CADM2: variants seen among roughly 807,000 people sequenced by gnomAD.
CADM2 encodes the protein immunoglobulin superfamily member 4D.
A neutral mutation model predicts 49.8 loss-of-function variants in CADM2; 12 were observed. That is an observed-to-expected ratio of 0.24 (90% CI 0.15 to 0.39). The LOEUF is 0.39. CADM2 is among the 10% of genes least tolerant of loss of function. CADM2 has a pLI of 1.00. For missense variants in CADM2, 378 were observed against 492.3 expected (o/e 0.77, Z 2.20); for synonymous variants, 214 against 175.4 (o/e 1.22, Z -1.74).
rs567625954 is a variant in CADM2, at chr3:85,671,107, C to T, written c.62-55415C>T. On this transcript the variant is annotated intron_variant, in intron 1 of 9. Coordinates refer to ENST00000383699, the MANE Select transcript of CADM2 (RefSeq NM_001167675.2). ...AAAGTGCTTTGTTGGACAAAAGAAC[C>T]GCCAGTTCCTGGAGGTAAATAATGT... Among the ~76,000 whole-genome samples, 19 of 152,216 alleles carry T rather than the reference C, an allele frequency of 1.2e-4. 1 individual carries two copies. Among genetic ancestry groups the T allele is most frequent in the Middle Eastern group, 6.8e-3 (2 of 294 alleles).
chr3:85,042,977 G>T (rs1263914503), intron 1 of CADM2, among the ~76,000 whole-genome samples: 2 of 152,056 alleles, frequency 1.3e-5, no homozygotes, highest in East Asian at 1.9e-4. Context: ...AAGCAGAAAC[G>T]TATTATACTT....
intron 1 of CADM2, among the ~76,000 whole-genome samples, chr3:85,038,883 C>T (rs1559629785): frequency 6.6e-6 from 1 of 152,042 alleles, no homozygotes; most frequent in Non-Finnish European, 1.5e-5. Context: ...TAAATAAATG[C>T]AAATGTAACA....
At chr3:85,915,439 A>C (rs1257627320) in intron 6 of CADM2, among the ~76,000 whole-genome samples, 1 of 152,160 alleles carries the variant, frequency 6.6e-6, no homozygotes, top group African/African-American at 2.4e-5. Flanking sequence ...ATAATGCTAA[A>C]TGTTTCTTTA....
intron 2 of CADM2, among the ~76,000 whole-genome samples, chr3:85,791,424 G>A (rs1241229703): frequency 6.6e-6 from 1 of 151,238 alleles, no homozygotes; most frequent in African/African-American, 2.4e-5. Context: ...TCTAATTTAG[G>A]CAACAAGAAT....
intron 1 of CADM2, among the ~76,000 whole-genome samples, chr3:84,973,407 T>C (rs907168618): frequency 8.5e-5 from 13 of 152,144 alleles, no homozygotes; most frequent in Admixed American, 2.0e-4. Context: ...TCGTTTATCC[T>C]GAAAACGTTC....
At chr3:85,941,181 T>C (rs1162415891) in intron 7 of CADM2, among the ~76,000 whole-genome samples, 1 of 152,088 alleles carries the variant, frequency 6.6e-6, no homozygotes, top group Non-Finnish European at 1.5e-5. Flanking sequence ...ATCATAACAA[T>C]GAGGGTGATA....
chr3:85,275,799 A>C (rs1027708883), intron 1 of CADM2, among the ~76,000 whole-genome samples: 22 of 151,108 alleles, frequency 1.5e-4, no homozygotes, highest in African/African-American at 5.1e-4. Context: ...TATAAAATTG[A>C]CCCTGATTTC....
At chr3:85,515,332 C>T (rs2060865662) in intron 1 of CADM2, among the ~76,000 whole-genome samples, 1 of 151,820 alleles carries the variant, frequency 6.6e-6, no homozygotes, top group Admixed American at 6.6e-5. Context: ...GAAGATAACA[C>T]CATCTTTTTT....
chr3:85,769,477 A>T (rs1415766038), intron 2 of CADM2, among the ~76,000 whole-genome samples: 1 of 77,738 alleles, frequency 1.3e-5, no homozygotes, highest in Admixed American at 1.8e-4. Flanking sequence ...TAGTATATAT[A>T]CACGTATATA....
chr3:85,596,834 A>G (rs1469048493), intron 1 of CADM2, among the ~76,000 whole-genome samples: 3 of 152,064 alleles, frequency 2.0e-5, no homozygotes, highest in African/African-American at 7.2e-5. Flanking sequence ...TCCCAACCTT[A>G]GCCTCCCTAC....
chr3:85,942,654 G>A (rs1260113317), intron 7 of CADM2, among the ~76,000 whole-genome samples: 1 of 151,796 alleles, frequency 6.6e-6, no homozygotes, highest in Non-Finnish European at 1.5e-5. Flanking sequence ...TCCCTACAAA[G>A]GACATGAACT....
At chr3:85,727,456 T>C (rs528823822) in intron 2 of CADM2, among the ~76,000 whole-genome samples, 44 of 152,274 alleles carry the variant, frequency 2.9e-4, no homozygotes, top group African/African-American at 1.0e-3. Flanking sequence ...GGCAAATTTA[T>C]TGTCACCTTT....
intron 1 of CADM2, among the ~76,000 whole-genome samples, chr3:85,070,679 A>ATTTAACATTTT (rs1261843370): frequency 6.6e-6 from 1 of 152,144 alleles, no homozygotes; most frequent in Non-Finnish European, 1.5e-5. Flanking sequence ...TACTATAAAT[A>ATTTAACATTTT]TGGCATAGTT....
chr3:85,129,087 G>A (rs1189886793), intron 1 of CADM2, among the ~76,000 whole-genome samples: 1 of 152,062 alleles, frequency 6.6e-6, no homozygotes, highest in African/African-American at 2.4e-5. Context: ...CAAGTTATAT[G>A]TATTGCAGTC....
chr3:86,055,155 C>A (rs1235478962), intron 8 of CADM2, among the ~76,000 whole-genome samples: 3 of 152,142 alleles, frequency 2.0e-5, no homozygotes, highest in African/African-American at 4.8e-5. Context: ...GATGTCTAAC[C>A]TTATGAAGCT....
chr3:85,603,840 C>G (rs2063482506), intron 1 of CADM2, among the ~76,000 whole-genome samples: 1 of 151,912 alleles, frequency 6.6e-6, no homozygotes, highest in African/African-American at 2.4e-5. Context: ...ATCAAGAAAA[C>G]AATTTCTACT....
chr3:85,183,268 TA>T (rs1215419909), intron 1 of CADM2, among the ~76,000 whole-genome samples: 2 of 152,268 alleles, frequency 1.3e-5, no homozygotes, highest in African/African-American at 4.8e-5. Context: ...AATTCACTTA[TA>T]AAAATGAATG....
chr3:85,509,030 G>T (rs1043087095), intron 1 of CADM2, among the ~76,000 whole-genome samples: 2 of 152,104 alleles, frequency 1.3e-5, no homozygotes, highest in African/African-American at 4.8e-5. Context: ...TATGAAGAAT[G>T]TGTTGCTTTT....
At chr3:85,738,276 AG>A (rs1391822233) in intron 2 of CADM2, among the ~76,000 whole-genome samples, 1 of 152,222 alleles carries the variant, frequency 6.6e-6, no homozygotes, top group African/African-American at 2.4e-5. Flanking sequence ...AAATAAAGAT[AG>A]ATGCTCCTAT....
Sources: allele counts gnomAD v4.1 joint callset (sites outside exome capture counted in the v4.1 genomes callset), GRCh38; gene constraint gnomAD v4.1.1; transcripts MANE v1.5; gene names NCBI Gene and HGNC (gene_info 2026-07-23, HGNC 2026-07-21).